IL4I1: variants seen among roughly 807,000 people sequenced by gnomAD.
IL4I1 encodes interleukin 4 induced 1, also known as L-amino-acid oxidase.
A neutral mutation model predicts 29.7 loss-of-function variants in IL4I1; 24 were observed. That is an observed-to-expected ratio of 0.81 (90% CI 0.59 to 1.14). The LOEUF is 1.14. Among genes scored for constraint, IL4I1 ranks in the 50% most tolerant of loss-of-function variants. The pLI is 0.00. For missense variants in IL4I1, 686 were observed against 785.6 expected (o/e 0.87, Z 1.52); for synonymous variants, 371 against 352.5 (o/e 1.05, Z -0.59).
chr19:49,894,242 G>A lies in IL4I1; in HGVS notation c.567+26C>T, dbSNP rs73594167. Reference sequence around the variant, plus strand: ...AGGAGGAGGACAGAGAAGTCAGGGCGGGAGGAGGGTGCAGGCGGTACCCAC... The same window carrying A: ...AGGAGGAGGACAGAGAAGTCAGGGCAGGAGGAGGGTGCAGGCGGTACCCAC... On this transcript the variant is annotated intron_variant, in intron 5 of 7. Coordinates refer to ENST00000391826, the MANE Select transcript of IL4I1 (RefSeq NM_152899.2). 6.8e-4 allele frequency: 1,082 copies of A among 1,602,742 alleles called. 8 individuals carry two copies. The African/African-American group carries it at 0.013, about 19-fold the overall frequency.
At chr19:49,906,248 G>A (rs772995229) in intron 2 of IL4I1, among the ~76,000 whole-genome samples, 5 of 152,180 alleles carry the variant, frequency 3.3e-5, no homozygotes, top group South Asian at 4.1e-4. Context: ...TTGCTCTGTC[G>A]CCCAGGCTGG....
chr19:49,914,726 GTTTTTTT>G (rs530372497), intron 2 of IL4I1, among the ~76,000 whole-genome samples: 325 of 56,328 alleles, frequency 5.8e-3, no homozygotes, highest in Non-Finnish European at 6.2e-3. Context: ...CCAAGTCCCA[GTTTTTTT>G]TTTTTTTTTT....
At chr19:49,901,710 T>C (rs2075273867), upstream of IL4I1, 3 of 1,532,484 alleles carry the variant, frequency 2.0e-6, no homozygotes, top group South Asian at 1.2e-5. Context: ...GAAGTCATCG[T>C]TGGGCATGTG....
chr19:49,923,464 T>G (rs1169115769), intron 2 of IL4I1, among the ~76,000 whole-genome samples: 1 of 152,142 alleles, frequency 6.6e-6, no homozygotes, highest in Non-Finnish European at 1.5e-5. Context: ...CTCGAAGCGT[T>G]CGGGGGAGCA....
At chr19:49,917,550 C>T (rs2075655412) in intron 2 of IL4I1, 1 of 152,238 alleles carries the variant, frequency 6.6e-6, no homozygotes, top group Non-Finnish European at 1.5e-5. Flanking sequence ...ACCAGAGTGC[C>T]TTGGGAGCAT....
chr19:49,924,024 G>A (rs1419421615), intron 2 of IL4I1, among the ~76,000 whole-genome samples: 1 of 152,204 alleles, frequency 6.6e-6, no homozygotes, highest in Non-Finnish European at 1.5e-5. Context: ...GAGGAGTTGC[G>A]GCAATAGCAG....
intron 2 of IL4I1, among the ~76,000 whole-genome samples, chr19:49,916,415 G>C (rs1246361474): frequency 6.7e-6 from 1 of 148,746 alleles, no homozygotes; most frequent in African/African-American, 2.5e-5. Flanking sequence ...GTGCAGTGGC[G>C]GGATCTTGGC....
chr19:49,907,476 G>T (rs2075347049), intron 2 of IL4I1: 4 of 438,834 alleles, frequency 9.1e-6, no homozygotes, highest in Non-Finnish European at 1.3e-5. Context: ...TGGTTAGCAT[G>T]GTTAGCTTTC....
chr19:49,893,545 G>A lies in IL4I1; in HGVS notation c.567+723C>T, dbSNP rs1264678734. Among the ~76,000 whole-genome samples, 6 of 152,174 alleles carry A rather than the reference G, an allele frequency of 3.9e-5. No individual in the cohort carries two copies. The South Asian group carries it at 6.2e-4, about 16-fold the overall frequency. On this transcript the variant is annotated intron_variant, in intron 5 of 7. Transcript: ENST00000391826. Reference sequence around the variant, plus strand: ...GGGGAGGGACACAGATCAGGGTCTCGGGAGGCAGATGTCTCCATCAGCCCA... The same window carrying A: ...GGGGAGGGACACAGATCAGGGTCTCAGGAGGCAGATGTCTCCATCAGCCCA...
intron 2 of IL4I1, among the ~76,000 whole-genome samples, chr19:49,925,867 C>T (rs1027937527): frequency 6.6e-5 from 10 of 152,112 alleles, no homozygotes; most frequent in African/African-American, 1.7e-4. Flanking sequence ...ATCTTTGCAA[C>T]TTTTCTGTTG....
chr19:49,909,518 A>G, intron 2 of IL4I1: 1 of 1,613,970 alleles, frequency 6.2e-7, no homozygotes, highest in Non-Finnish European at 8.5e-7. Flanking sequence ...GCTCAAGTTG[A>G]GCTTTGAAGC....
chr19:49,924,855 G>C (rs978511440), intron 2 of IL4I1, among the ~76,000 whole-genome samples: 1 of 152,186 alleles, frequency 6.6e-6, no homozygotes, highest in Admixed American at 6.6e-5. Context: ...AGAGAGAAAA[G>C]GCGGCAAAAC....
chr19:49,907,710 A>AT (rs2075355612), intron 2 of IL4I1: 1 of 343,768 alleles, frequency 2.9e-6, no homozygotes, highest in African/African-American at 2.2e-5. Context: ...TAATTTTTGT[A>AT]TTTTTAGTAG....
At chr19:49,894,151 C>T (rs927747700) in intron 5 of IL4I1, 117 bp downstream of exon 5, 56 of 918,796 alleles carry the variant, frequency 6.1e-5, no homozygotes, top group African/African-American at 2.3e-4. Context: ...CACCAACAGG[C>T]GCCCCACCCC....
upstream of IL4I1, among the ~76,000 whole-genome samples, chr19:49,898,832 G>A (rs113680838): frequency 2.0e-5 from 3 of 152,328 alleles, no homozygotes; most frequent in Admixed American, 6.5e-5. Context: ...TTGCACCGCT[G>A]CACTCCAGCC....
rs1394490120 is a variant in IL4I1, at chr19:49,890,297, G to A, written c.1077C>T (p.Phe359=). Residue 359 remains phenylalanine, a synonymous_variant, in exon 8 of 8, where the codon TTC becomes TTT. Transcript: ENST00000391826. Reference sequence around the variant, plus strand: ...GCTCCTCGCGCCAGAAGGGCCTGCGGAAGCTTAGGAACACCTTGGTGGCCG... The same window carrying A: ...GCTCCTCGCGCCAGAAGGGCCTGCGAAAGCTTAGGAACACCTTGGTGGCCG... The part of the protein sequence containing the change: ...YVPATKVFLS[F]RRPFWREEHI... 2.6e-5 allele frequency: 41 copies of A among 1,604,168 alleles called. No homozygotes were observed. Among genetic ancestry groups the A allele is most frequent in the Non-Finnish European group, 3.5e-5 (41 of 1,176,250 alleles).
intron 2 of IL4I1, chr19:49,907,548 T>C (rs1208144260): frequency 2.3e-5 from 10 of 429,004 alleles, no homozygotes; most frequent in South Asian, 1.5e-4. Flanking sequence ...TTTTTTTTTT[T>C]TTTTTTTTTT....
Position 49,890,333 on chromosome 19 carries a change from C to T in IL4I1, c.1041G>A (p.Leu347=). Residue 347 remains leucine (L), a synonymous_variant, in exon 8 of 8, where the codon CTG becomes CTA. Transcript: ENST00000391826. ...ACACCTTGGTGGCCGGCACGTAGTGCAGCCTCCGCAGCGCCTCCTGCATGT... is the reference window on the plus strand; with the variant it reads ...ACACCTTGGTGGCCGGCACGTAGTGTAGCCTCCGCAGCGCCTCCTGCATGT... ...PRHMQEALRR[L]HYVPATKVFL... 6.2e-7 allele frequency: 1 copy of T among 1,607,638 alleles called. No homozygotes were observed. The highest frequency in any genetic ancestry group is 8.5e-7 in the Non-Finnish European group (1 of 1,178,052).
chr19:49,904,552 TA>T (rs1183645540), intron 2 of IL4I1, among the ~76,000 whole-genome samples: 1 of 151,974 alleles, frequency 6.6e-6, no homozygotes, highest in Non-Finnish European at 1.5e-5. Flanking sequence ...ATGCAGAACT[TA>T]AAATTTTTTT....
Sources: gnomAD v4.1 joint callset for allele counts (sites outside exome capture counted in the v4.1 genomes callset) on GRCh38, gnomAD v4.1.1 for gene constraint, MANE v1.5 for transcripts, NCBI Gene and HGNC (gene_info 2026-07-23, HGNC 2026-07-21) for gene names.